The following MIA2 variants were observed in gnomAD, a reference collection of about 807,000 sequenced individuals.
The protein encoded by MIA2 is melanoma inhibitory activity protein 2.
A neutral mutation model predicts 167.8 loss-of-function variants in MIA2; 127 were observed. The observed-to-expected ratio is 0.76, with a 90% confidence interval of 0.66 to 0.88. The LOEUF (loss-of-function observed/expected upper bound fraction) is 0.88, where lower values mean the gene tolerates loss of function less well. MIA2 is among the 40% of genes least tolerant of loss of function. MIA2 has a pLI of 0.00. For missense variants in MIA2, 1,690 were observed against 1,624.7 expected (o/e 1.04, Z -0.69); for synonymous variants, 552 against 541.9 (o/e 1.02, Z -0.26).
At chr14:39,278,514 T>C (rs536709221) in intron 7 of MIA2, among the ~76,000 whole-genome samples, 9 of 152,352 alleles carry the variant, frequency 5.9e-5, no homozygotes, top group African/African-American at 2.2e-4. Flanking sequence ...AGTCCTCATT[T>C]CTTTTCTACT....
At chr14:39,330,892 T>A (rs1310379371) in intron 25 of MIA2, among the ~76,000 whole-genome samples, 1 of 152,172 alleles carries the variant, frequency 6.6e-6, no homozygotes, top group Non-Finnish European at 1.5e-5. Flanking sequence ...ATGTGGTTGA[T>A]TTTAGAATAA....
intron 25 of MIA2, among the ~76,000 whole-genome samples, chr14:39,333,266 C>A (rs377718398): frequency 1.2e-4 from 18 of 152,218 alleles, no homozygotes; most frequent in African/African-American, 3.6e-4. Flanking sequence ...TATTCTATTC[C>A]TCTAAGAGTG....
chr14:39,290,223 G>A (rs1052524461), intron 9 of MIA2, among the ~76,000 whole-genome samples: 24 of 152,060 alleles, frequency 1.6e-4, no homozygotes, highest in African/African-American at 4.6e-4. Context: ...TTCTTCTAGG[G>A]GGAATAGAAA....
intron 9 of MIA2, among the ~76,000 whole-genome samples, chr14:39,279,945 A>C (rs983921151): frequency 1.3e-5 from 2 of 152,198 alleles, no homozygotes; most frequent in Non-Finnish European, 2.9e-5. Flanking sequence ...ATTCTGAGGT[A>C]CTGGGGTTGG....
At chr14:39,242,553 C>A (rs1594631975) in intron 3 of MIA2, among the ~76,000 whole-genome samples, 1 of 151,932 alleles carries the variant, frequency 6.6e-6, no homozygotes, top group East Asian at 1.9e-4. Flanking sequence ...GAACTCCTGA[C>A]CTCAAGTGAT....
chr14:39,237,330 G>T (rs2053799268), intron 2 of MIA2: 4 of 394,644 alleles, frequency 1.0e-5, no homozygotes, highest in Non-Finnish European at 1.4e-5. Context: ...ATTTCACTCT[G>T]TTGCCCAGGC....
chr14:39,375,698 AAAAAC>A (rs768133698), intron 23 of MIA2, among the ~76,000 whole-genome samples: 6 of 152,190 alleles, frequency 3.9e-5, no homozygotes, highest in East Asian at 3.8e-4. Context: ...GTCTGTCTTT[AAAAAC>A]AAAACAAAAC....
intron 9 of MIA2, among the ~76,000 whole-genome samples, chr14:39,288,462 T>TTTTG: frequency 5.0e-5 from 1 of 20,050 alleles, no homozygotes; most frequent in Non-Finnish European, 1.1e-4. Flanking sequence ...TATATATATA[T>TTTTG]ATATATATAT....
intron 6 of MIA2, among the ~76,000 whole-genome samples, chr14:39,264,208 T>C (rs2152662599): frequency 6.6e-6 from 1 of 152,336 alleles, no homozygotes; most frequent in Non-Finnish European, 1.5e-5. Flanking sequence ...TATTTGGTTT[T>C]CAGTTTCTAC....
intron 23 of MIA2, among the ~76,000 whole-genome samples, chr14:39,367,610 T>A (rs1486914387): frequency 1.3e-5 from 2 of 152,238 alleles, no homozygotes; most frequent in African/African-American, 4.8e-5. Flanking sequence ...GGCACCCAGC[T>A]GAGCTGGCTG....
intron 6 of MIA2, among the ~76,000 whole-genome samples, chr14:39,264,478 T>C (rs1341997679): frequency 6.6e-6 from 1 of 152,194 alleles, no homozygotes; most frequent in African/African-American, 2.4e-5. Context: ...CATTGCTGGG[T>C]CGAATGGTGG....
At chr14:39,384,771 C>A (rs903701581) in intron 23 of MIA2, among the ~76,000 whole-genome samples, 1 of 152,126 alleles carries the variant, frequency 6.6e-6, no homozygotes, top group African/African-American at 2.4e-5. Context: ...TCCAGACATA[C>A]ATACATGTGC....
At chr14:39,250,077 G>T (rs1218144143) in intron 4 of MIA2, among the ~76,000 whole-genome samples, 1 of 152,086 alleles carries the variant, frequency 6.6e-6, no homozygotes, top group Non-Finnish European at 1.5e-5. Flanking sequence ...AAATTCTCTT[G>T]TTCTAAACTT....
intron 24 of MIA2, among the ~76,000 whole-genome samples, chr14:39,321,948 A>G (rs1261414750): frequency 1.3e-5 from 2 of 151,724 alleles, no homozygotes; most frequent in East Asian, 2.0e-4. Context: ...TATTTTTAGT[A>G]GAAAATACAA....
intron 7 of MIA2, among the ~76,000 whole-genome samples, chr14:39,277,860 G>T (rs950454127): frequency 7.2e-6 from 1 of 139,640 alleles, no homozygotes; most frequent in Non-Finnish European, 1.5e-5. Context: ...ATTATAGTGC[G>T]CCTACAGCCT....
chr14:39,300,762 C>T (rs1005822101), intron 14 of MIA2, among the ~76,000 whole-genome samples: 1 of 151,676 alleles, frequency 6.6e-6, no homozygotes, highest in Admixed American at 6.6e-5. Flanking sequence ...CACAGGTATA[C>T]ATATGTAACA....
At chr14:39,328,692 A>T (rs999358952) in intron 25 of MIA2, among the ~76,000 whole-genome samples, 2 of 152,052 alleles carry the variant, frequency 1.3e-5, no homozygotes, top group Non-Finnish European at 2.9e-5. Flanking sequence ...AAGGCTAGCC[A>T]TTTTTCCGAA....
chr14:39,277,760 A>ATATATGTGTG (rs2058352808), intron 7 of MIA2, among the ~76,000 whole-genome samples: 3 of 25,040 alleles, frequency 1.2e-4, no homozygotes, highest in Non-Finnish European at 2.0e-4. Flanking sequence ...ATATATATAT[A>ATATATGTGTG]TATATATATA....
At chr14:39,378,102 C>T (rs1291659339) in intron 23 of MIA2, among the ~76,000 whole-genome samples, 1 of 152,170 alleles carries the variant, frequency 6.6e-6, no homozygotes, top group Non-Finnish European at 1.5e-5. Flanking sequence ...AGAATTCTCA[C>T]AAATTAGTTA....
Sources: gnomAD v4.1 joint callset for allele counts (sites outside exome capture counted in the v4.1 genomes callset) on GRCh38, gnomAD v4.1.1 for gene constraint, MANE v1.5 for transcripts, NCBI Gene and HGNC (gene_info 2026-07-23, HGNC 2026-07-21) for gene names.